KCNS3: variants seen among roughly 807,000 people sequenced by gnomAD.
KCNS3 encodes the protein potassium voltage-gated channel modifier subfamily S member 3.
In KCNS3, 13 loss-of-function variants were observed where a neutral mutation model predicts 31.0. The ratio of observed to expected loss-of-function variants is 0.42; its 90% CI spans 0.27 to 0.67. KCNS3 has a LOEUF of 0.67. Among genes scored for constraint, KCNS3 ranks in the 30% least tolerant of loss-of-function variants. The pLI, the probability that KCNS3 is intolerant of heterozygous loss-of-function variation, is 0.25. For synonymous variants in KCNS3, 238 were observed against 241.5 expected, an observed-to-expected ratio of 0.99 and a Z score of 0.13; for missense variants, 545 against 622.4, an observed-to-expected ratio of 0.88 and a Z score of 1.32.
chr2:17,926,713 G>A (rs934844238), intron 2 of KCNS3, among the ~76,000 whole-genome samples: 11 of 152,254 alleles, frequency 7.2e-5, no homozygotes, highest in African/African-American at 2.7e-4. Flanking sequence ...GCTGCACAGA[G>A]CAGCGGGGCC....
chr2:17,881,503 A>C (rs945655656), intron 1 of KCNS3, among the ~76,000 whole-genome samples: 2 of 152,350 alleles, frequency 1.3e-5, no homozygotes, highest in Admixed American at 6.5e-5. Flanking sequence ...GTTACGCTGT[A>C]CTAGGCACTA....
In KCNS3 at chr2:17,889,025, T is replaced by A. The variant is rs372972726; in HGVS notation, c.-252+10219T>A. Among the ~76,000 whole-genome samples, 12 of 152,098 alleles carry A rather than the reference T, an allele frequency of 7.9e-5. No homozygotes were observed. In the East Asian group the frequency reaches 1.9e-3, roughly 24 times the overall value. ...TTGTAGATTGCCTTTGGCAGTATGG[T>A]CATTTTCAGAATGTTGATTCTACCC... On this transcript the variant is annotated intron_variant, in intron 1 of 2. Coordinates refer to ENST00000304101, the MANE Select transcript of KCNS3 (RefSeq NM_002252.5).
At chr2:17,883,254 A>G (rs1674683246) in intron 1 of KCNS3, among the ~76,000 whole-genome samples, 1 of 152,196 alleles carries the variant, frequency 6.6e-6, no homozygotes, top group Non-Finnish European at 1.5e-5. Flanking sequence ...ATAATGATTA[A>G]CTTATATAGT....
At chr2:17,896,008 A>G (rs1013603016) in intron 1 of KCNS3, among the ~76,000 whole-genome samples, 7 of 152,102 alleles carry the variant, frequency 4.6e-5, no homozygotes, top group Non-Finnish European at 8.8e-5. Flanking sequence ...TACATAGAGT[A>G]TTGGCATATT....
At position 17,917,667 on chromosome 2, in the gene KCNS3, G is replaced by GT. The variant is rs891087714; in HGVS notation, c.-251-7dup. On this transcript the variant is annotated splice_polypyrimidine_tract_variant and intron_variant, in intron 1 of 2. Transcript: ENST00000304101. ...CCTTGCAGTTACAGCTTGGCTGATG[G>GT]TTTTTTCTGCAGGTGAGAGTGATTT... 6.6e-6 allele frequency: 1 copy of GT among 152,660 alleles called. No homozygotes were observed. The highest frequency in any genetic ancestry group is 2.4e-5 in the African/African-American group (1 of 41,442). The allele number at this position is 152,660 out of a possible 1,614,324, so 9.5% of individuals were successfully genotyped here.
chr2:17,884,170 G>A (rs894718676), intron 1 of KCNS3, among the ~76,000 whole-genome samples: 7 of 148,752 alleles, frequency 4.7e-5, no homozygotes, highest in Admixed American at 1.3e-4. Context: ...ACGAGTTAGT[G>A]GGTGCAGCAC....
chr2:17,932,524 C>T lies in KCNS3; in HGVS notation c.*40C>T, dbSNP rs756322151. On this transcript the variant is annotated 3_prime_UTR_variant, in exon 3 of 3. Transcript: ENST00000304101. ...GCCTGTTTCTCTTATCCTTTCCCGA[C>T]ATTAGGTTAACACAGCTTTATAAAC... 1.3e-6 allele frequency: 2 copies of T among 1,564,172 alleles called. No homozygotes were observed. The highest frequency in any genetic ancestry group is 3.7e-5 in the Admixed American group (2 of 54,308).
At chr2:17,895,244 C>T (rs1306592618) in intron 1 of KCNS3, among the ~76,000 whole-genome samples, 1 of 152,002 alleles carries the variant, frequency 6.6e-6, no homozygotes, top group East Asian at 1.9e-4. Context: ...AGTAAATAGT[C>T]ACTCTGGCAA....
chr2:17,911,607 A>G lies in KCNS3; in HGVS notation c.-251-6073A>G, dbSNP rs139661359. 4.0e-3 allele frequency among the ~76,000 whole-genome samples: 617 copies of G among 152,356 alleles called. 1 individual carries two copies. Among genetic ancestry groups the G allele is most frequent in the Middle Eastern group, 0.01 (3 of 294 alleles). On this transcript the variant is annotated intron_variant, in intron 1 of 2. Coordinates refer to ENST00000304101, the MANE Select transcript of KCNS3 (RefSeq NM_002252.5). The stretch of plus-strand genomic sequence containing the variant: ...TCACTCCAAATTCCATTATCCAGAG[A>G]CAATGAATTTAACATTTTGGTATAT...
chr2:17,881,972 G>A (rs1674654558), intron 1 of KCNS3, among the ~76,000 whole-genome samples: 1 of 152,214 alleles, frequency 6.6e-6, no homozygotes, highest in African/African-American at 2.4e-5. Context: ...ATGGGCCAGG[G>A]AAACATTATG....
At chr2:17,925,277 C>A (rs1178019599) in intron 2 of KCNS3, among the ~76,000 whole-genome samples, 1 of 152,132 alleles carries the variant, frequency 6.6e-6, no homozygotes. Flanking sequence ...CAACATGAAC[C>A]TTAGGACTGA....
chr2:17,888,639 A>C lies in KCNS3; in HGVS notation c.-252+9833A>C, dbSNP rs12474005. On this transcript the variant is annotated intron_variant, in intron 1 of 2. Coordinates refer to ENST00000304101, the MANE Select transcript of KCNS3 (RefSeq NM_002252.5). ...TATAATAAAAAAAATGTATATATAT[A>C]TATATATATATATATATATATATAT... 3.1e-3 allele frequency among the ~76,000 whole-genome samples: 232 copies of C among 75,314 alleles called. 12 individuals are homozygous for C. The highest frequency in any genetic ancestry group is 0.016 in the East Asian group (56 of 3,406). The allele number at this position is 75,314 out of a possible 152,430, so 49.4% of individuals were successfully genotyped here.
intron 1 of KCNS3, among the ~76,000 whole-genome samples, chr2:17,892,193 C>A (rs1661875246): frequency 6.6e-6 from 1 of 151,702 alleles, no homozygotes; most frequent in African/African-American, 2.4e-5. Context: ...CTCTGAATTT[C>A]TTTCTTCTGC....
In KCNS3 at chr2:17,878,720, G is replaced by T. The variant is rs1181554755; in HGVS notation, c.-338G>T. On this transcript the variant is annotated 5_prime_UTR_variant, in exon 1 of 3. Transcript: ENST00000304101. Reference sequence around the variant, plus strand: ...TCCTCGCCGCCGCGGCGGCAGGCGCGGGGCCGCGCCGCGAGGCCTGATCCC... The same window carrying T: ...TCCTCGCCGCCGCGGCGGCAGGCGCTGGGCCGCGCCGCGAGGCCTGATCCC... 1.3e-5 allele frequency: 2 copies of T among 151,022 alleles called. No homozygotes were observed. The highest frequency in any genetic ancestry group is 2.4e-5 in the African/African-American group (1 of 41,282). The allele number at this position is 151,022 out of a possible 1,614,324, so 9.4% of individuals were successfully genotyped here.
intron 1 of KCNS3, among the ~76,000 whole-genome samples, chr2:17,883,413 G>T: frequency 6.6e-6 from 1 of 151,742 alleles, no homozygotes; most frequent in East Asian, 1.9e-4. Flanking sequence ...GGGTGGGGTG[G>T]GGTGAGAAGT....
intron 2 of KCNS3, among the ~76,000 whole-genome samples, chr2:17,923,502 C>G (rs778961238): frequency 6.6e-6 from 1 of 151,798 alleles, no homozygotes; most frequent in African/African-American, 2.4e-5. Flanking sequence ...ACTATTTTTT[C>G]TTTATTTTTC....
intron 1 of KCNS3, among the ~76,000 whole-genome samples, chr2:17,887,467 G>T (rs374739680): frequency 3.7e-5 from 5 of 134,966 alleles, no homozygotes; most frequent in African/African-American, 1.3e-4. Flanking sequence ...TTATGGCTGC[G>T]TTGTATTCTA....
chr2:17,924,564 A>T (rs1160693839), intron 2 of KCNS3, among the ~76,000 whole-genome samples: 8 of 152,162 alleles, frequency 5.3e-5, no homozygotes, highest in Non-Finnish European at 7.4e-5. Flanking sequence ...GTTTTTAATC[A>T]TGAAAGAGTG....
At chr2:17,888,611 A>G (rs1455557451) in intron 1 of KCNS3, among the ~76,000 whole-genome samples, 1 of 117,804 alleles carries the variant, frequency 8.5e-6, no homozygotes, top group Admixed American at 8.7e-5. Flanking sequence ...CTAGAACTTA[A>G]AGTATAATAA....
Sources: gnomAD v4.1 joint callset for allele counts (sites outside exome capture counted in the v4.1 genomes callset) on GRCh38, gnomAD v4.1.1 for gene constraint, MANE v1.5 for transcripts, NCBI Gene and HGNC (gene_info 2026-07-23, HGNC 2026-07-21) for gene names.